GRM8: variants seen among roughly 807,000 people sequenced by gnomAD.
GRM8 encodes the protein metabotropic glutamate receptor 8.
GRM8 carries 47 observed loss-of-function variants against 87.2 expected under a neutral mutation model. That is an observed-to-expected ratio of 0.54 (90% CI 0.43 to 0.69). The LOEUF (loss-of-function observed/expected upper bound fraction) is 0.69, where lower values mean the gene tolerates loss of function less well. Among genes scored for constraint, GRM8 ranks in the 30% least tolerant of loss-of-function variants. GRM8 has a pLI of 0.00. For synonymous variants in GRM8, 396 were observed against 404.5 expected, an observed-to-expected ratio of 0.98 and a Z score of 0.25; for missense variants, 1,019 against 1,139.2, an observed-to-expected ratio of 0.89 and a Z score of 1.52.
intron 7 of GRM8, among the ~76,000 whole-genome samples, chr7:126,698,475 A>AT (rs1809609180): frequency 6.6e-6 from 1 of 152,180 alleles, no homozygotes; most frequent in Non-Finnish European, 1.5e-5. Flanking sequence ...TGCTCTAGGC[A>AT]TATCAGTGCA....
At position 126,984,729 on chromosome 7, in the gene GRM8, T is replaced by C. The variant is rs143669413; in HGVS notation, c.728-80046A>G. On this transcript the variant is annotated intron_variant, in intron 3 of 10. Coordinates refer to ENST00000339582, the MANE Select transcript of GRM8 (RefSeq NM_000845.3). ...AGAACCCTGCCTAATATAGATTTTG[T>C]CATTACCCTACTCAGTAATACATTA... is the stretch of plus-strand genomic sequence containing the variant. Among the ~76,000 whole-genome samples, 9 of 152,318 alleles carry C rather than the reference T, an allele frequency of 5.9e-5. No homozygotes were observed. In the East Asian group the frequency reaches 1.7e-3, roughly 29 times the overall value.
At chr7:127,211,792 A>G (rs553110749) in intron 2 of GRM8, among the ~76,000 whole-genome samples, 15 of 152,316 alleles carry the variant, frequency 9.8e-5, no homozygotes, top group Middle Eastern at 3.4e-3. Context: ...ATCTGTTGGC[A>G]CCTTGATCCT....
chr7:126,499,970 C>T (rs568437992), intron 9 of GRM8, among the ~76,000 whole-genome samples: 4 of 151,694 alleles, frequency 2.6e-5, no homozygotes, highest in African/African-American at 7.2e-5. Context: ...ATTTATGGGG[C>T]GTGATGTTTT....
chr7:126,690,566 C>T (rs1052874271), intron 7 of GRM8, among the ~76,000 whole-genome samples: 5 of 152,152 alleles, frequency 3.3e-5, no homozygotes, highest in Admixed American at 6.5e-5. Context: ...CCCAAAGGGC[C>T]GCAGCTCTTC....
chr7:126,507,101 CA>C (rs1464419987), intron 9 of GRM8, among the ~76,000 whole-genome samples: 8 of 151,844 alleles, frequency 5.3e-5, no homozygotes, highest in African/African-American at 1.9e-4. Context: ...TTTCTCGTGG[CA>C]ATATGCTTTC....
intron 6 of GRM8, among the ~76,000 whole-genome samples, chr7:126,862,543 C>T (rs1022367112): frequency 1.2e-4 from 18 of 152,062 alleles, no homozygotes; most frequent in Non-Finnish European, 2.2e-4. Flanking sequence ...CTTTTCTTAA[C>T]TTTATTGCAT....
At chr7:126,865,842 C>T (rs754734086) in intron 6 of GRM8, among the ~76,000 whole-genome samples, 18 of 152,040 alleles carry the variant, frequency 1.2e-4, no homozygotes, top group African/African-American at 3.1e-4. Context: ...GATGGATATT[C>T]GACTTGTTTC....
chr7:126,746,511 A>G (rs1815702948), intron 7 of GRM8, among the ~76,000 whole-genome samples: 1 of 151,714 alleles, frequency 6.6e-6, no homozygotes, highest in Non-Finnish European at 1.5e-5. Context: ...CAAAATTTAA[A>G]CTTTTTAAAT....
At chr7:126,624,559 C>T (rs1187140027) in intron 7 of GRM8, among the ~76,000 whole-genome samples, 1 of 152,184 alleles carries the variant, frequency 6.6e-6, no homozygotes, top group Non-Finnish European at 1.5e-5. Flanking sequence ...CGATATAAAT[C>T]GCTGGATGAT....
chr7:127,096,084 A>C lies in GRM8; in HGVS notation c.727+10412T>G, dbSNP rs1426710769. Among the ~76,000 whole-genome samples the C allele has an allele frequency of 2.0e-5, 3 of 152,382 alleles. No individual in the cohort carries two copies. The South Asian group carries it at 6.2e-4, about 32-fold the overall frequency. The stretch of plus-strand genomic sequence containing the variant: ...GTCAGGTAATACATTAGTCATGTGA[A>C]GAAACAATAAGATTGATCACTGCTA... On this transcript the variant is annotated intron_variant, in intron 3 of 10. Coordinates refer to ENST00000339582, the MANE Select transcript of GRM8 (RefSeq NM_000845.3).
chr7:126,722,005 G>T (rs771211164), intron 7 of GRM8, among the ~76,000 whole-genome samples: 6 of 152,100 alleles, frequency 3.9e-5, no homozygotes, highest in Admixed American at 6.6e-5. Flanking sequence ...ACATCAGGAG[G>T]TGACTAATTT....
intron 2 of GRM8, among the ~76,000 whole-genome samples, chr7:127,109,418 A>G (rs190921804): frequency 2.4e-4 from 36 of 152,258 alleles, no homozygotes; most frequent in African/African-American, 8.2e-4. Flanking sequence ...GTTCACAAAG[A>G]TCATCAGATT....
At chr7:126,796,591 C>CACGTAA (rs1377924050) in intron 6 of GRM8, among the ~76,000 whole-genome samples, 2 of 151,872 alleles carry the variant, frequency 1.3e-5, no homozygotes, top group Admixed American at 6.6e-5. Context: ...TTAGTGTTTA[C>CACGTAA]ACACTAAATC....
At chr7:126,791,412 G>GTCTTT (rs1448985997) in intron 6 of GRM8, among the ~76,000 whole-genome samples, 1 of 152,042 alleles carries the variant, frequency 6.6e-6, no homozygotes, top group Non-Finnish European at 1.5e-5. Context: ...TGTCTACATT[G>GTCTTT]TCTTATATGA....
At chr7:126,766,748 C>T (rs1247056152) in intron 7 of GRM8, among the ~76,000 whole-genome samples, 1 of 152,070 alleles carries the variant, frequency 6.6e-6, no homozygotes, top group Non-Finnish European at 1.5e-5. Flanking sequence ...CTGAGCAAAC[C>T]TTGTTTTGGC....
chr7:126,776,692 C>G (rs1819513361), intron 6 of GRM8, among the ~76,000 whole-genome samples: 1 of 152,160 alleles, frequency 6.6e-6, no homozygotes, highest in Non-Finnish European at 1.5e-5. Context: ...AACCAACGGC[C>G]TGAGAAGCCA....
intron 7 of GRM8, among the ~76,000 whole-genome samples, chr7:126,741,906 G>A (rs1388241380): frequency 6.6e-6 from 1 of 152,028 alleles, no homozygotes; most frequent in African/African-American, 2.4e-5. Context: ...CCTTCAGAGA[G>A]TGATGAGGAG....
At chr7:127,063,451 CT>C (rs1820815855) in intron 3 of GRM8, among the ~76,000 whole-genome samples, 1 of 152,114 alleles carries the variant, frequency 6.6e-6, no homozygotes, top group Non-Finnish European at 1.5e-5. Context: ...TGGCAGGCAC[CT>C]GTAATTCCAG....
At chr7:126,602,660 G>A (rs62477887) in intron 8 of GRM8, among the ~76,000 whole-genome samples, 18,881 of 147,788 alleles carry the variant, frequency 0.13, 1,507 homozygotes, top group South Asian at 0.17. Flanking sequence ...TCCCTTGTAA[G>A]TTGGATTCCT....
Sources: gnomAD v4.1 joint callset for allele counts (sites outside exome capture counted in the v4.1 genomes callset) on GRCh38, gnomAD v4.1.1 for gene constraint, MANE v1.5 for transcripts, NCBI Gene and HGNC (gene_info 2026-07-23, HGNC 2026-07-21) for gene names.